Variants in CHD7 observed in about 807,000 individuals in gnomAD.
CHD7 encodes ATP-dependent chromatin remodeler CHD7.
Under a neutral mutation model 307.3 loss-of-function variants are expected in CHD7, and 24 were observed. The ratio of observed to expected loss-of-function variants is 0.08; its 90% CI spans 0.06 to 0.11. The LOEUF is 0.11. Among genes scored for constraint, CHD7 ranks in the 10% least tolerant of loss-of-function variants. The pLI, the probability that CHD7 is intolerant of heterozygous loss-of-function variation, is 1.00. For synonymous variants in CHD7, 1,363 were observed against 1,349.9 expected, an observed-to-expected ratio of 1.01 and a Z score of -0.21; for missense variants, 3,106 against 3,727.1, an observed-to-expected ratio of 0.83 and a Z score of 4.34.
In CHD7 at chr8:60,845,358, C is replaced by T; in HGVS notation, c.5159C>T (p.Ala1720Val). ...TGGCTGGCCAGCTGCAACCCAGATG[C>T]CCTGTTCCAGGAGGACAGCTACAAG... ...ADWLASCNPD[A>V]LFQEDSYKKH... Residue 1720 changes from alanine to valine, a missense_variant, in exon 23 of 38, where the codon GCC becomes GTC. Coordinates refer to ENST00000423902, the MANE Select transcript of CHD7 (RefSeq NM_017780.4). 1 of 1,613,996 alleles carries T rather than the reference C, an allele frequency of 6.2e-7. No individual in the cohort carries two copies.
At chr8:60,848,334 A>G (rs1227628636) in intron 23 of CHD7, among the ~76,000 whole-genome samples, 181 bp from the exon 24 acceptor site, 3 of 152,232 alleles carry the variant, frequency 2.0e-5, no homozygotes, top group Non-Finnish European at 4.4e-5. Context: ...GTTGGAAGCC[A>G]GCAGAAAGCA....
intron 1 of CHD7, among the ~76,000 whole-genome samples, chr8:60,727,365 T>C (rs569701557): frequency 6.6e-6 from 1 of 152,258 alleles, no homozygotes; most frequent in African/African-American, 2.4e-5. Context: ...TGATCTCAAG[T>C]GATCCCCCCC....
At chr8:60,785,139 A>C (rs989657313) in intron 3 of CHD7, among the ~76,000 whole-genome samples, 1 of 152,146 alleles carries the variant, frequency 6.6e-6, no homozygotes, top group Non-Finnish European at 1.5e-5. Flanking sequence ...GATGAGAAAG[A>C]ATTTGGAGGA....
At position 60,742,980 on chromosome 8, in the gene CHD7, A is replaced by G. The variant is rs376800098; in HGVS notation, c.1548A>G (p.Pro516=). The G allele has an allele frequency of 2.5e-6, 4 of 1,613,754 alleles. No individual in the cohort carries two copies. Among genetic ancestry groups the G allele is most frequent in the Non-Finnish European group, 3.4e-6 (4 of 1,179,796 alleles). The change falls in exon 2 of 38, where the codon CCA becomes CCG. Residue 516 remains proline, a synonymous_variant. Coordinates refer to ENST00000423902, the MANE Select transcript of CHD7 (RefSeq NM_017780.4). ...PSFQQLPTCP[P]LQPHPGLHHQ... ...TTCAGCAGTTGCCAACCTGTCCTCC[A>G]CTGCAGCCTCACCCGGGCTTGCACC... is the stretch of plus-strand genomic sequence containing the variant.
chr8:60,817,595 T>TG (rs1368839573), intron 8 of CHD7, among the ~76,000 whole-genome samples: 1 of 152,186 alleles, frequency 6.6e-6, no homozygotes, highest in African/African-American at 2.4e-5. Context: ...GGCAGTGCAG[T>TG]GTTTAGGACC....
In CHD7 at chr8:60,742,229, G is replaced by A. The variant is rs1345967515; in HGVS notation, c.797G>A (p.Gly266Glu). The change falls in exon 2 of 38, where the codon GGA becomes GAA. Residue 266 changes from glycine (G) to glutamate (E), a missense_variant. This residue lies in a region of CHD7 where 998 missense variants were observed against 1,004.5 expected (regional missense o/e 0.99). Coordinates refer to ENST00000423902, the MANE Select transcript of CHD7 (RefSeq NM_017780.4). ...CACCACCCCTCTACTGCTCTCCATG[G>A]AGAATCCGTTGCCCACAGTCCCAGA... ...FHHHPSTALH[G>E]ESVAHSPRFS... The A allele has an allele frequency of 6.2e-7, 1 of 1,613,800 alleles. No individual in the cohort carries two copies. The highest frequency in any genetic ancestry group is 8.5e-7 in the Non-Finnish European group (1 of 1,179,862).
At chr8:60,687,749 G>A (rs4738815) in intron 1 of CHD7, among the ~76,000 whole-genome samples, 1 of 152,096 alleles carries the variant, frequency 6.6e-6, no homozygotes, top group African/African-American at 2.4e-5. Flanking sequence ...TAGGTAATAG[G>A]TAGAACTATT....
At chr8:60,860,046 T>A (rs893274030) in intron 34 of CHD7, among the ~76,000 whole-genome samples, 2 of 152,136 alleles carry the variant, frequency 1.3e-5, no homozygotes, top group Non-Finnish European at 2.9e-5. Flanking sequence ...ATGGTAGAGC[T>A]GTGGGGAAGG....
intron 2 of CHD7, among the ~76,000 whole-genome samples, chr8:60,777,426 T>TG (rs1811001699): frequency 1.3e-5 from 2 of 152,232 alleles, no homozygotes. Flanking sequence ...TGAAATTAGA[T>TG]AGCTTTTTAA....
chr8:60,821,761 C>T (rs747005750), intron 9 of CHD7, 29 bp from the exon 10 acceptor site: 4 of 1,544,032 alleles, frequency 2.6e-6, no homozygotes, highest in Non-Finnish European at 2.6e-6. Context: ...CAAATGAATC[C>T]AATTCTGATT....
intron 21 of CHD7, among the ~76,000 whole-genome samples, chr8:60,844,561 G>A (rs987358667): frequency 3.3e-5 from 5 of 152,090 alleles, no homozygotes; most frequent in Admixed American, 6.5e-5. Flanking sequence ...CCAGGCCCTC[G>A]GATGCACTCA....
At chr8:60,703,923 C>T (rs1214527474) in intron 1 of CHD7, among the ~76,000 whole-genome samples, 1 of 152,196 alleles carries the variant, frequency 6.6e-6, no homozygotes, top group African/African-American at 2.4e-5. Flanking sequence ...GTAAAACTTT[C>T]TCTTAATCTT....
intron 2 of CHD7, among the ~76,000 whole-genome samples, chr8:60,752,204 G>A (rs1421888044): frequency 1.2e-4 from 19 of 152,182 alleles, no homozygotes; most frequent in Admixed American, 1.2e-3. Context: ...AATTGTTTTA[G>A]GGTGTAAGCA....
At chr8:60,851,183 A>C in intron 27 of CHD7, 79 bp downstream of exon 27, 1 of 1,483,748 alleles carries the variant, frequency 6.7e-7, no homozygotes, top group African/African-American at 1.4e-5. Context: ...AACTTTATAG[A>C]TAATGACCTT....
intron 8 of CHD7, among the ~76,000 whole-genome samples, chr8:60,818,713 G>A (rs546372652): frequency 7.7e-4 from 117 of 152,282 alleles, no homozygotes; most frequent in Non-Finnish European, 1.1e-3. Flanking sequence ...TAAGAGGGCC[G>A]AATAGCCAGA....
chr8:60,855,888 C>T, intron 32 of CHD7, 87 bp from the exon 33 acceptor site: 2 of 842,870 alleles, frequency 2.4e-6, no homozygotes, highest in South Asian at 1.7e-5. Context: ...ACATTTTATG[C>T]TCTTTTGCAT....
Position 60,856,520 on chromosome 8 carries a change from G to T in CHD7, c.7240G>T (p.Ala2414Ser), listed in dbSNP as rs772775834. The T allele has an allele frequency of 8.1e-6, 13 of 1,613,876 alleles. No individual in the cohort carries two copies. In the African/African-American group the frequency reaches 1.7e-4, roughly 22 times the overall value. Residue 2414 changes from alanine (A) to serine (S), a missense_variant, in exon 34 of 38, where the codon GCT becomes TCT. By Grantham distance (99) the Ala-to-Ser change is moderately conservative (BLOSUM62 1). Transcript: ENST00000423902. ...AAAAATCGAAATTGAGGCCGAAAGA[G>T]CTGCCAAGAGGCGAAATCTCATGGA... ...RRKIEIEAER[A>S]AKRRNLMEMV...
intron 31 of CHD7, among the ~76,000 whole-genome samples, chr8:60,854,114 C>T (rs777213307): frequency 1.3e-4 from 20 of 152,130 alleles, no homozygotes; most frequent in Non-Finnish European, 2.5e-4. Context: ...TTTACTTGCA[C>T]GGTGCTAGGT....
intron 1 of CHD7, among the ~76,000 whole-genome samples, chr8:60,697,244 C>G (rs146915501): frequency 9.2e-5 from 14 of 152,292 alleles, no homozygotes; most frequent in Admixed American, 1.3e-4. Flanking sequence ...GGAGCTCTTT[C>G]ACCTTGGAAT....
Sources: allele counts gnomAD v4.1 joint callset (sites outside exome capture counted in the v4.1 genomes callset), GRCh38; gene constraint gnomAD v4.1.1; regional missense constraint gnomAD v4.1.1; transcripts MANE v1.5; gene names NCBI Gene and HGNC (gene_info 2026-07-23, HGNC 2026-07-21).